The following B4GALNT2 variants were observed in gnomAD, a reference collection of about 807,000 sequenced individuals.
B4GALNT2 encodes beta-1,4-N-acetyl-galactosaminyltransferase 2 (SID blood group), also known as N-acetylneuraminylgalactosylglucosyl-glucoside beta-1,4-N- acetylgalactosaminyltransferase 2.
Under a neutral mutation model 51.1 loss-of-function variants are expected in B4GALNT2, and 42 were observed. The ratio of observed to expected loss-of-function variants is 0.82; its 90% CI spans 0.64 to 1.06. The LOEUF (loss-of-function observed/expected upper bound fraction) is 1.06. Among genes scored for constraint, B4GALNT2 ranks in the 50% least tolerant of loss-of-function variants. B4GALNT2 has a pLI of 0.00. For missense variants in B4GALNT2, 602 were observed against 633.6 expected (o/e 0.95, Z 0.54); for synonymous variants, 253 against 251.7 (o/e 1.01, Z -0.05).
chr17:49,131,106 C>T (rs143825772), upstream of B4GALNT2, among the ~76,000 whole-genome samples: 202 of 152,304 alleles, frequency 1.3e-3, no homozygotes, highest in African/African-American at 4.7e-3. Flanking sequence ...TCAGTCTTCA[C>T]ATCTGAGAAG....
chr17:49,142,362 CT>C (rs2042653107), intron 3 of B4GALNT2, among the ~76,000 whole-genome samples, 190 bp downstream of exon 3: 1 of 152,092 alleles, frequency 6.6e-6, no homozygotes, highest in Non-Finnish European at 1.5e-5. Flanking sequence ...ATTTACAAAA[CT>C]TTGTATGTAC....
At chr17:49,155,194 A>C (rs890385719) in intron 4 of B4GALNT2, among the ~76,000 whole-genome samples, 1 of 149,356 alleles carries the variant, frequency 6.7e-6, no homozygotes, top group African/African-American at 2.5e-5. Context: ...CTGTGGTCCC[A>C]GTACTCGTGA....
At chr17:49,138,556 A>G (rs190638095) in intron 1 of B4GALNT2, among the ~76,000 whole-genome samples, 3 of 152,304 alleles carry the variant, frequency 2.0e-5, no homozygotes, top group Non-Finnish European at 1.5e-5. Context: ...AGCTTCAGCT[A>G]TCTCATCTGA....
rs1232813429 is a variant in B4GALNT2 at position 49,172,943 on chromosome 17, G to T, written c.*3215G>T. ...TTGAGGATTAACTCCTCCTGTAAAAGATGAGGAATGCACCATTTGGCAAGT... is the reference window on the plus strand; with the variant it reads ...TTGAGGATTAACTCCTCCTGTAAAATATGAGGAATGCACCATTTGGCAAGT... On this transcript the variant is annotated 3_prime_UTR_variant, in exon 11 of 11. Coordinates refer to ENST00000393354, the MANE Select transcript of B4GALNT2 (RefSeq NM_001159387.2). The T allele has an allele frequency of 1.3e-5, 2 of 152,246 alleles. No homozygotes were observed. Among genetic ancestry groups the T allele is most frequent in the African/African-American group, 4.8e-5 (2 of 41,474 alleles). 9.4% of individuals were successfully genotyped at this position (152,246 alleles called of 1,614,324 possible).
the B4GALNT2 span, among the ~76,000 whole-genome samples, chr17:49,122,565 CTA>C: frequency 6.6e-6 from 1 of 152,316 alleles, no homozygotes; most frequent in South Asian, 2.1e-4. Flanking sequence ...ATGACCCATG[CTA>C]TGATTTTGTT....
chr17:49,128,369 C>G (rs2042521026), upstream of B4GALNT2, among the ~76,000 whole-genome samples: 1 of 152,016 alleles, frequency 6.6e-6, no homozygotes, highest in Admixed American at 6.5e-5. Flanking sequence ...GAGGGGCTGC[C>G]AGGGCAGAGG....
upstream of B4GALNT2, among the ~76,000 whole-genome samples, chr17:49,128,912 C>T (rs2042523750): frequency 6.6e-6 from 1 of 152,044 alleles, no homozygotes; most frequent in East Asian, 1.9e-4. Context: ...CATCCCCAGT[C>T]AAAAGGCAGA....
chr17:49,134,670 C>T (rs908970508), intron 1 of B4GALNT2, among the ~76,000 whole-genome samples: 1 of 152,196 alleles, frequency 6.6e-6, no homozygotes, highest in African/African-American at 2.4e-5. Flanking sequence ...TCACTGCAAC[C>T]TCCACCTCCA....
rs1260475596 is a variant in B4GALNT2 at position 49,142,173 on chromosome 17, G to C, written c.353+1G>C. 6.2e-7 allele frequency: 1 copy of C among 1,613,892 alleles called. No individual in the cohort carries two copies. Among genetic ancestry groups the C allele is most frequent in the Non-Finnish European group, 8.5e-7 (1 of 1,180,012 alleles). On this transcript the variant is annotated splice_donor_variant, in intron 3 of 10. Coordinates refer to ENST00000393354, the MANE Select transcript of B4GALNT2 (RefSeq NM_001159387.2). LOFTEE classifies it high-confidence loss of function. ...CTGAATTTGAACACTTTCAGAGGAG[G>C]TAATGCGGGTCATGAAGGCCCTTGG...
In B4GALNT2 at chr17:49,173,155, G is replaced by C. The variant is rs1023638033; in HGVS notation, c.*3427G>C. The C allele has an allele frequency of 2.0e-5, 3 of 152,212 alleles. No homozygotes were observed. Among genetic ancestry groups the C allele is most frequent in the African/African-American group, 7.2e-5 (3 of 41,438 alleles). The allele number at this position is 152,212 out of a possible 1,614,324, so 9.4% of individuals were successfully genotyped here. ...CTGGAAGAGGTGTATGAGCCCTAAT[G>C]TGAGTGATGTAAAAAGGATGCATTC... On this transcript the variant is annotated 3_prime_UTR_variant, in exon 11 of 11. Coordinates refer to ENST00000393354, the MANE Select transcript of B4GALNT2 (RefSeq NM_001159387.2).
chr17:49,159,038 TCACCC>T lies in B4GALNT2; in HGVS notation c.501_505del (p.Thr168AspfsTer12). ...ATCATTCTACCTCACCCACCCTAGG[TCACCC>T]TGACAGCTTCTCTGGGGACACTGAA... On this transcript the variant is annotated frameshift_variant and splice_region_variant, in exon 6 of 11. Transcript: ENST00000393354. LOFTEE classifies it high-confidence loss of function. The T allele has an allele frequency of 6.2e-7, 1 of 1,613,854 alleles. No homozygotes were observed. Among genetic ancestry groups the T allele is most frequent in the Middle Eastern group, 1.7e-4 (1 of 6,058 alleles).
At chr17:49,135,604 T>G (rs1400382135) in intron 1 of B4GALNT2, among the ~76,000 whole-genome samples, 2 of 152,136 alleles carry the variant, frequency 1.3e-5, no homozygotes, top group African/African-American at 4.8e-5. Flanking sequence ...TATGTGTTAC[T>G]TCTAATAAAT....
chr17:49,142,260 C>T, intron 3 of B4GALNT2, 88 bp downstream of exon 3: 3 of 1,524,496 alleles, frequency 2.0e-6, no homozygotes, highest in Non-Finnish European at 2.7e-6. Context: ...AGAGAAAAAG[C>T]AGGAAGGAAT....
rs2042991081 is a variant in B4GALNT2 at position 49,176,671 on chromosome 17, T to A, written c.*6943T>A. Reference sequence around the variant, plus strand: ...ATTTATGGCCAGTTTATGGCCAGATTTGGGGGCCTGTTCCCAACAGCAGAT... The same window carrying A: ...ATTTATGGCCAGTTTATGGCCAGATATGGGGGCCTGTTCCCAACAGCAGAT... On this transcript the variant is annotated 3_prime_UTR_variant, in exon 11 of 11. Transcript: ENST00000393354. The A allele has an allele frequency of 1.3e-5, 2 of 152,234 alleles. 1 individual carries two copies. Among genetic ancestry groups the A allele is most frequent in the South Asian group, 4.1e-4 (2 of 4,834 alleles). The allele number at this position is 152,234 out of a possible 1,614,324, so 9.4% of individuals were successfully genotyped here. A position where few individuals can be genotyped will look rare whatever the true frequency, so the allele number is the denominator to read the frequency against.
At chr17:49,128,669 G>C (rs1219498358), upstream of B4GALNT2, among the ~76,000 whole-genome samples, 1 of 152,116 alleles carries the variant, frequency 6.6e-6, no homozygotes, top group Non-Finnish European at 1.5e-5. Context: ...AAAGTAAAAG[G>C]TGCCATATTT....
chr17:49,166,273 T>A lies in B4GALNT2; in HGVS notation c.1095+19T>A. The A allele has an allele frequency of 6.2e-7, 1 of 1,600,808 alleles. No homozygotes were observed. On this transcript the variant is annotated intron_variant, in intron 9 of 10. Coordinates refer to ENST00000393354, the MANE Select transcript of B4GALNT2 (RefSeq NM_001159387.2). ...GGACGTGGTAAGGGACAGTTGCCAGTTTCACCCAGCCACAATCTGTAGAGA... is the reference window on the plus strand; with the variant it reads ...GGACGTGGTAAGGGACAGTTGCCAGATTCACCCAGCCACAATCTGTAGAGA...
At chr17:49,166,438 C>T (rs1314656794) in intron 9 of B4GALNT2, among the ~76,000 whole-genome samples, 184 bp downstream of exon 9, 3 of 152,016 alleles carry the variant, frequency 2.0e-5, no homozygotes, top group East Asian at 1.9e-4. Flanking sequence ...TGCACCAGCT[C>T]ACGCCTCCAT....
intron 5 of B4GALNT2, 109 bp downstream of exon 5, chr17:49,156,712 C>G: frequency 7.8e-7 from 1 of 1,281,624 alleles, no homozygotes. Context: ...CAAGGTCAGA[C>G]ATGAGCCCAA....
chr17:49,158,463 G>A lies in B4GALNT2; in HGVS notation c.499-574G>A, dbSNP rs568348625. Among the ~76,000 whole-genome samples the A allele has an allele frequency of 6.6e-5, 10 of 152,158 alleles. No individual in the cohort carries two copies. The South Asian group carries it at 8.3e-4, about 13-fold the overall frequency. ...AGCCTGGCAAACACGGCGAAAGCCC[G>A]TCTCTACTAAACATACAAAAACAAA... On this transcript the variant is annotated intron_variant, in intron 5 of 10. Transcript: ENST00000393354.
Sources: gnomAD v4.1 joint callset for allele counts (sites outside exome capture counted in the v4.1 genomes callset) on GRCh38, gnomAD v4.1.1 for gene constraint, MANE v1.5 for transcripts, NCBI Gene and HGNC (gene_info 2026-07-23, HGNC 2026-07-21) for gene names.